The following GRID2 variants were observed in gnomAD, a reference collection of about 807,000 sequenced individuals.
GRID2 encodes glutamate receptor ionotropic, delta-2.
A neutral mutation model predicts 114.8 loss-of-function variants in GRID2; 33 were observed. The observed-to-expected ratio is 0.29, with a 90% confidence interval of 0.22 to 0.38. GRID2 has a LOEUF of 0.38. Ranked by LOEUF, GRID2 falls within the 10% of genes least tolerant of loss-of-function variation. The probability of loss-of-function intolerance (pLI) is 1.00; values close to 1 mark genes in which losing one functional copy is unlikely to be tolerated. For synonymous variants in GRID2, 505 were observed against 449.9 expected (o/e 1.12, Z -1.55); for missense variants, 1,184 against 1,257.7 (o/e 0.94, Z 0.89).
chr4:92,713,519 T>TATATATATATATATATATATATA (rs1464081862), intron 2 of GRID2, among the ~76,000 whole-genome samples: 1 of 81,342 alleles, frequency 1.2e-5, no homozygotes, highest in Non-Finnish European at 2.5e-5. Flanking sequence ...ATATATATAT[T>TATATATATATATATATATATATA]ACCAAAATTA....
intron 2 of GRID2, among the ~76,000 whole-genome samples, chr4:92,672,066 A>G (rs1245253147): frequency 6.6e-6 from 1 of 152,140 alleles, no homozygotes; most frequent in Non-Finnish European, 1.5e-5. Context: ...TTAATATTAT[A>G]TCATAAAAGA....
In GRID2 at chr4:93,422,882, G is replaced by A. The variant is rs1768434261; in HGVS notation, c.1459G>A (p.Glu487Lys). The A allele has an allele frequency of 1.2e-6, 2 of 1,613,670 alleles. No homozygotes were observed. The highest frequency in any genetic ancestry group is 1.7e-6 in the Non-Finnish European group (2 of 1,179,652). ...ALSNYLGFNY[E>K]IYVAPDHKYG... ...ATCTAACTACCTGGGTTTTAACTAC[G>A]AAATTTACGTAGCACCGGATCACAA... The change falls in exon 10 of 16, where the codon GAA becomes AAA. Residue 487 changes from glutamate (E) to lysine (K), a missense_variant. Coordinates refer to ENST00000282020, the MANE Select transcript of GRID2 (RefSeq NM_001510.4).
At chr4:93,244,506 ATATAAT>A (rs1379819329) in intron 8 of GRID2, among the ~76,000 whole-genome samples, 6 of 50,024 alleles carry the variant, frequency 1.2e-4, no homozygotes, top group Admixed American at 5.4e-4. Flanking sequence ...TTAATAGATT[ATATAAT>A]CTATTAATTA....
intron 1 of GRID2, among the ~76,000 whole-genome samples, chr4:92,395,852 CT>C (rs773243669): frequency 9.2e-5 from 14 of 151,758 alleles, no homozygotes; most frequent in Non-Finnish European, 1.9e-4. Flanking sequence ...TATTTTTGAG[CT>C]GATGTGCCCC....
chr4:93,198,838 T>A (rs1175852461), intron 4 of GRID2, among the ~76,000 whole-genome samples: 1 of 152,164 alleles, frequency 6.6e-6, no homozygotes, highest in African/African-American at 2.4e-5. Context: ...AACTTTATTT[T>A]TTCTTTATTG....
intron 2 of GRID2, among the ~76,000 whole-genome samples, chr4:92,643,675 G>T (rs1731472689): frequency 1.3e-5 from 2 of 151,642 alleles, no homozygotes; most frequent in Admixed American, 6.6e-5. Flanking sequence ...ATGTTGTTCA[G>T]GTTGGTCTCA....
intron 3 of GRID2, among the ~76,000 whole-genome samples, chr4:93,095,313 C>T (rs1396403748): frequency 1.3e-5 from 2 of 151,742 alleles, no homozygotes; most frequent in Non-Finnish European, 2.9e-5. Context: ...TTATGATGTT[C>T]CCCTCCTTGT....
At chr4:93,616,114 T>C (rs1169532795) in intron 13 of GRID2, among the ~76,000 whole-genome samples, 2 of 152,212 alleles carry the variant, frequency 1.3e-5, no homozygotes, top group East Asian at 3.9e-4. Flanking sequence ...CAAGTTTTTC[T>C]GCACATTTTG....
intron 3 of GRID2, among the ~76,000 whole-genome samples, chr4:93,089,604 T>C (rs144282896): frequency 6.6e-6 from 1 of 152,296 alleles, no homozygotes; most frequent in African/African-American, 2.4e-5. Flanking sequence ...ATAACTGTTC[T>C]TTTTTCTTTG....
At chr4:92,373,768 T>G (rs1413960049) in intron 1 of GRID2, among the ~76,000 whole-genome samples, 1 of 152,172 alleles carries the variant, frequency 6.6e-6, no homozygotes, top group Non-Finnish European at 1.5e-5. Flanking sequence ...AGTTATACTT[T>G]TGTGGGTTTT....
intron 10 of GRID2, among the ~76,000 whole-genome samples, chr4:93,435,000 G>A (rs1720935847): frequency 6.6e-6 from 1 of 151,864 alleles, no homozygotes; most frequent in African/African-American, 2.4e-5. Flanking sequence ...TATTAGAGAG[G>A]ACTGCCATTG....
At chr4:92,466,253 T>G (rs995270718) in intron 1 of GRID2, among the ~76,000 whole-genome samples, 53 of 152,024 alleles carry the variant, frequency 3.5e-4, no homozygotes, top group African/African-American at 1.3e-3. Context: ...ACTCACTAGC[T>G]ATTTGAAACT....
At chr4:93,150,046 C>T (rs1156953838) in intron 4 of GRID2, among the ~76,000 whole-genome samples, 2 of 151,978 alleles carry the variant, frequency 1.3e-5, no homozygotes, top group African/African-American at 4.8e-5. Context: ...ACTATGATTA[C>T]AAGTAAAATT....
chr4:92,419,414 T>C (rs371793800), intron 1 of GRID2, among the ~76,000 whole-genome samples: 1 of 152,218 alleles, frequency 6.6e-6, no homozygotes. Context: ...AGCCTAAGAC[T>C]GAGCATCTAA....
chr4:93,493,263 C>T (rs180729999), intron 12 of GRID2, among the ~76,000 whole-genome samples: 1 of 151,894 alleles, frequency 6.6e-6, no homozygotes, highest in African/African-American at 2.4e-5. Flanking sequence ...TGATCCTATG[C>T]AGTAAACAAC....
intron 1 of GRID2, among the ~76,000 whole-genome samples, chr4:92,361,631 G>A (rs1728623542): frequency 6.6e-6 from 1 of 151,980 alleles, no homozygotes; most frequent in African/African-American, 2.4e-5. Context: ...AGAGGAAGTA[G>A]GTTGTGATGG....
intron 14 of GRID2, among the ~76,000 whole-genome samples, chr4:93,677,002 G>T (rs979683032): frequency 8.9e-5 from 3 of 33,872 alleles, no homozygotes; most frequent in African/African-American, 4.3e-4. Context: ...AGCGCAAGGG[G>T]TCAGGGAATT....
intron 8 of GRID2, among the ~76,000 whole-genome samples, chr4:93,257,843 TA>T (rs1223971138): frequency 6.6e-6 from 1 of 151,370 alleles, no homozygotes; most frequent in Non-Finnish European, 1.5e-5. Context: ...CAGCAACGCA[TA>T]GGAATAAAAT....
At chr4:93,475,295 A>G (rs1725217527) in intron 11 of GRID2, among the ~76,000 whole-genome samples, 2 of 152,180 alleles carry the variant, frequency 1.3e-5, no homozygotes, top group African/African-American at 4.8e-5. Flanking sequence ...ATACTCTCCT[A>G]AGAACTTAAG....
Sources: gnomAD v4.1 joint callset for allele counts (sites outside exome capture counted in the v4.1 genomes callset) on GRCh38, gnomAD v4.1.1 for gene constraint, MANE v1.5 for transcripts, NCBI Gene and HGNC (gene_info 2026-07-23, HGNC 2026-07-21) for gene names.